ADAMTS13: variants seen among roughly 807,000 people sequenced by gnomAD.
ADAMTS13 encodes the protein ADAM metallopeptidase with thrombospondin type 1 motif 13, also known as A disintegrin and metalloproteinase with thrombospondin motifs 13.
A neutral mutation model predicts 155.1 loss-of-function variants in ADAMTS13; 110 were observed. The observed-to-expected ratio is 0.71, with a 90% CI of 0.61 to 0.83. The LOEUF (loss-of-function observed/expected upper bound fraction) is 0.83. Among genes scored for constraint, ADAMTS13 ranks in the 40% least tolerant of loss-of-function variants. ADAMTS13 has a pLI of 0.00. For synonymous variants in ADAMTS13, 758 were observed against 756.4 expected (o/e 1.00, Z -0.03); for missense variants, 1,707 against 1,891.7 (o/e 0.90, Z 1.81).
rs1840128934 is a variant in ADAMTS13, at chr9:133,424,241, C to T, written c.173-80C>T. The T allele has an allele frequency of 1.9e-6, 3 of 1,596,342 alleles. No individual in the cohort carries two copies. Among genetic ancestry groups the T allele is most frequent in the South Asian group, 2.2e-5 (2 of 90,866 alleles). On this transcript the variant is annotated intron_variant, in intron 2 of 28. Transcript: ENST00000355699. This position sits in a 1 kb window ranked among gnomAD's most constrained non-coding sequence, Gnocchi z 4.3. Reference sequence around the variant, plus strand: ...ACTTCGGAAGGCCATCCTTCCAAGACCTGCCAGCCCCTTTCCTGTTAGCTT... The same window carrying T: ...ACTTCGGAAGGCCATCCTTCCAAGATCTGCCAGCCCCTTTCCTGTTAGCTT...
rs782187097 is a variant in ADAMTS13 at position 133,443,493 on chromosome 9, G to A, written c.2352G>A (p.Arg784=). The change falls in exon 19 of 29, where the codon CGG becomes CGA. Residue 784 remains arginine, a synonymous_variant. Transcript: ENST00000355699. The part of the protein sequence containing the change: ...GSLLKTLPPA[R]CRAGAQQPAV... The stretch of plus-strand genomic sequence containing the variant: ...TCCTGAAGACATTGCCCCCAGCCCG[G>A]TGCAGAGCAGGGGCCCAGCAGCCAG... 1 of 1,587,056 alleles carries A rather than the reference G, an allele frequency of 6.3e-7. No homozygotes were observed. Among genetic ancestry groups the A allele is most frequent in the South Asian group, 1.1e-5 (1 of 87,752 alleles).
chr9:133,438,040 C>T, intron 13 of ADAMTS13, 143 bp downstream of exon 13: 1 of 1,525,332 alleles, frequency 6.6e-7, no homozygotes, highest in Non-Finnish European at 9.0e-7. Flanking sequence ...AGGATCTGGA[C>T]TTGGAGTCAG....
Position 133,428,776 on chromosome 9 carries a change from C to T in ADAMTS13, c.824+5C>T, listed in dbSNP as rs886063633. 1 of 1,321,588 alleles carries T rather than the reference C, an allele frequency of 7.6e-7. No individual in the cohort carries two copies. Among genetic ancestry groups the T allele is most frequent in the Admixed American group, 3.2e-5 (1 of 31,744 alleles). 81.9% of individuals were successfully genotyped at this position (1,321,588 alleles called of 1,614,324 possible). On this transcript the variant is annotated splice_donor_5th_base_variant and intron_variant, in intron 7 of 28. Transcript: ENST00000355699. ...GCAGCTGCTGAGCCTGCTCAGGTAG[C>T]GGCCGCCCCGTGGGAGGGGCGCGCG...
chr9:133,422,374 A>G lies in ADAMTS13; in HGVS notation c.-70A>G. On this transcript the variant is annotated 5_prime_UTR_variant, in exon 1 of 29. In the 5' UTR this introduces an upstream ATG that the reference lacks. Transcript: ENST00000355699. ...AGTGAGCAGGCCTGTCCCATTCCAT[A>G]CTGACCAGATTCCCAGTCACCAAGG... 7.2e-7 allele frequency: 1 copy of G among 1,397,618 alleles called. No homozygotes were observed. The highest frequency in any genetic ancestry group is 1.0e-6 in the Non-Finnish European group (1 of 990,910). 86.6% of individuals were successfully genotyped at this position (1,397,618 alleles called of 1,614,324 possible).
At chr9:133,421,807 C>T (rs887468624), upstream of ADAMTS13, among the ~76,000 whole-genome samples, 2 of 152,082 alleles carry the variant, frequency 1.3e-5, no homozygotes, top group Non-Finnish European at 2.9e-5. Flanking sequence ...AAGGTGAATC[C>T]CCCTGCTGGT....
intron 13 of ADAMTS13, among the ~76,000 whole-genome samples, 169 bp from the exon 14 acceptor site, chr9:133,438,077 T>C (rs1000395664): frequency 6.6e-6 from 1 of 152,152 alleles, no homozygotes; most frequent in Non-Finnish European, 1.5e-5. Context: ...CAGTGTGACC[T>C]TGGGCAAGTC....
chr9:133,422,937 T>C (rs1273389815), intron 1 of ADAMTS13, among the ~76,000 whole-genome samples, 164 bp from the exon 2 acceptor site: 15 of 133,744 alleles, frequency 1.1e-4, no homozygotes, highest in Non-Finnish European at 2.2e-4. Flanking sequence ...TCTCTCTCTT[T>C]TTTTTTTTTT....
intron 14 of ADAMTS13, among the ~76,000 whole-genome samples, chr9:133,438,622 A>C (rs188426237): frequency 1.4e-4 from 21 of 152,188 alleles, no homozygotes; most frequent in Admixed American, 1.2e-3. Flanking sequence ...TGCAAAAAAA[A>C]CACAGACATT....
At chr9:133,435,469 A>G (rs782667111) in intron 11 of ADAMTS13, among the ~76,000 whole-genome samples, 25 of 149,274 alleles carry the variant, frequency 1.7e-4, no homozygotes, top group Non-Finnish European at 3.1e-4. Context: ...GATTACAGGC[A>G]TGAGCCACCG....
chr9:133,416,228 C>T (rs587773268), intron 1 of ADAMTS13, among the ~76,000 whole-genome samples: 1 of 152,168 alleles, frequency 6.6e-6, no homozygotes, highest in East Asian at 1.9e-4. Flanking sequence ...TTTTAAACAA[C>T]CAGCTCTCAA....
chr9:133,429,791 G>A, intron 7 of ADAMTS13, 148 bp from the exon 8 acceptor site: 1 of 1,110,430 alleles, frequency 9.0e-7, no homozygotes, highest in Non-Finnish European at 1.3e-6. Context: ...GCCGGCTCCT[G>A]GTGGGGGGCG....
chr9:133,416,130 C>G (rs587715198), intron 1 of ADAMTS13, among the ~76,000 whole-genome samples: 2 of 152,080 alleles, frequency 1.3e-5, no homozygotes, highest in African/African-American at 4.8e-5. Flanking sequence ...CTGGTGAGGC[C>G]GAAGGAAGCT....
At position 133,424,284 on chromosome 9, in the gene ADAMTS13, A is replaced by G. The variant is rs782300765; in HGVS notation, c.173-37A>G. On this transcript the variant is annotated intron_variant, in intron 2 of 28. Transcript: ENST00000355699. The surrounding 1 kb of genome is among the most constrained non-coding windows in gnomAD (Gnocchi z 4.3). Reference sequence around the variant, plus strand: ...GTTAGCTTTCCACTGCTTGCTCTCTAGAACCATCGCCCTCTGCTCTCCCTC... The same window carrying G: ...GTTAGCTTTCCACTGCTTGCTCTCTGGAACCATCGCCCTCTGCTCTCCCTC... The G allele has an allele frequency of 1.2e-5, 20 of 1,608,240 alleles. No individual in the cohort carries two copies. The Admixed American group carries it at 3.3e-4, about 27-fold the overall frequency.
intron 22 of ADAMTS13, 90 bp downstream of exon 22, chr9:133,448,818 G>A (rs1319893292): frequency 1.3e-6 from 2 of 1,529,866 alleles, no homozygotes; most frequent in Non-Finnish European, 1.8e-6. Flanking sequence ...CCTGCGGAGG[G>A]GGGCAGGTGC....
intron 11 of ADAMTS13, among the ~76,000 whole-genome samples, chr9:133,436,309 G>A (rs587764537): frequency 6.6e-6 from 1 of 152,062 alleles, no homozygotes; most frequent in African/African-American, 2.4e-5. Flanking sequence ...GACCTCCCCA[G>A]ACCGTGAGGG....
intron 1 of ADAMTS13, among the ~76,000 whole-genome samples, chr9:133,415,411 C>CTT (rs11428403): frequency 0.011 from 1,520 of 143,592 alleles, 7 homozygotes; most frequent in Admixed American, 0.019. Context: ...ACAGAAATCG[C>CTT]TTTTTTTTTT....
intron 19 of ADAMTS13, among the ~76,000 whole-genome samples, chr9:133,444,317 G>A (rs191357309): frequency 2.0e-5 from 3 of 152,028 alleles, no homozygotes; most frequent in East Asian, 1.9e-4. Context: ...GCTGGAGGTC[G>A]GCCTCTGCCT....
chr9:133,425,833 T>C lies in ADAMTS13; in HGVS notation c.415-105T>C. On this transcript the variant is annotated intron_variant, in intron 4 of 28. Transcript: ENST00000355699. This position sits in a 1 kb window ranked among gnomAD's most constrained non-coding sequence, Gnocchi z 4.6. ...CAGTTGTCTCATCCCTAACACGGGC[T>C]AGTCATAGGGTTGTTAGGAGGACTA... The C allele has an allele frequency of 6.5e-7, 1 of 1,548,704 alleles. No individual in the cohort carries two copies. The highest frequency in any genetic ancestry group is 8.7e-7 in the Non-Finnish European group (1 of 1,145,720).
chr9:133,438,964 T>G (rs1425176663), intron 14 of ADAMTS13, among the ~76,000 whole-genome samples: 1 of 151,366 alleles, frequency 6.6e-6, no homozygotes, highest in Non-Finnish European at 1.5e-5. Flanking sequence ...AGCTACCCTC[T>G]TCTCTCCTGC....
Sources: allele counts gnomAD v4.1 joint callset (sites outside exome capture counted in the v4.1 genomes callset), GRCh38; gene constraint gnomAD v4.1.1; non-coding constraint Gnocchi (gnomAD v3.1); transcripts MANE v1.5; gene names NCBI Gene and HGNC (gene_info 2026-07-23, HGNC 2026-07-21).